Variants in CCSER1 observed in about 807,000 individuals in gnomAD.
CCSER1 encodes coiled-coil serine rich protein 1.
Under a neutral mutation model 82.0 loss-of-function variants are expected in CCSER1, and 41 were observed. The ratio of observed to expected loss-of-function variants is 0.50; its 90% CI spans 0.39 to 0.65. CCSER1 has a LOEUF of 0.65. Among genes scored for constraint, CCSER1 ranks in the 30% least tolerant of loss-of-function variants. The probability of loss-of-function intolerance (pLI) is 0.00; values close to 1 mark genes in which losing one functional copy is unlikely to be tolerated. For synonymous variants in CCSER1, 414 were observed against 383.9 expected (o/e 1.08, Z -0.92); for missense variants, 1,119 against 1,064.2 (o/e 1.05, Z -0.72).
chr4:90,924,171 G>A (rs1244141153), intron 9 of CCSER1, among the ~76,000 whole-genome samples: 1 of 151,956 alleles, frequency 6.6e-6, no homozygotes, highest in East Asian at 1.9e-4. Context: ...ACATGTATGA[G>A]GACCCCCTCT....
At chr4:90,323,211 T>C (rs750389314) in intron 3 of CCSER1, among the ~76,000 whole-genome samples, 3 of 152,106 alleles carry the variant, frequency 2.0e-5, no homozygotes, top group Admixed American at 6.6e-5. Flanking sequence ...CAGCCTGGAA[T>C]TGGGAGAGGG....
intron 10 of CCSER1, among the ~76,000 whole-genome samples, chr4:91,559,723 ATAT>A (rs1208876460): frequency 6.6e-6 from 1 of 151,578 alleles, no homozygotes; most frequent in Non-Finnish European, 1.5e-5. Flanking sequence ...ACAAAGAGGT[ATAT>A]TATTCTCATC....
intron 10 of CCSER1, among the ~76,000 whole-genome samples, chr4:91,310,525 A>G (rs528373791): frequency 6.6e-6 from 1 of 152,014 alleles, no homozygotes; most frequent in South Asian, 2.1e-4. Context: ...GGTCTTCCCG[A>G]TGAGCATGAC....
chr4:90,592,007 G>A (rs1782764965), intron 5 of CCSER1, among the ~76,000 whole-genome samples: 1 of 152,026 alleles, frequency 6.6e-6, no homozygotes, highest in Admixed American at 6.6e-5. Flanking sequence ...GCACAGGGAG[G>A]GAAACATTAC....
intron 5 of CCSER1, among the ~76,000 whole-genome samples, chr4:90,547,452 C>T (rs1025770828): frequency 6.6e-6 from 1 of 151,940 alleles, no homozygotes; most frequent in Non-Finnish European, 1.5e-5. Flanking sequence ...AATACACTTT[C>T]ACTTTCATTT....
chr4:91,570,004 C>A (rs1478233355), intron 10 of CCSER1, among the ~76,000 whole-genome samples: 2 of 152,198 alleles, frequency 1.3e-5, no homozygotes, highest in East Asian at 3.9e-4. Flanking sequence ...GTAAATACAC[C>A]CATTCCAAAT....
At chr4:91,297,008 A>G (rs1465123520) in intron 10 of CCSER1, among the ~76,000 whole-genome samples, 7 of 151,944 alleles carry the variant, frequency 4.6e-5, no homozygotes, top group East Asian at 3.9e-4. Flanking sequence ...ATTGCCAGCA[A>G]TCCTTAAAGA....
At chr4:91,366,240 C>T (rs901362318) in intron 10 of CCSER1, among the ~76,000 whole-genome samples, 7 of 152,274 alleles carry the variant, frequency 4.6e-5, no homozygotes, top group East Asian at 1.9e-4. Context: ...AGGCTGGTCT[C>T]GAACTCCTGA....
chr4:90,295,889 A>G (rs560574525), intron 1 of CCSER1, among the ~76,000 whole-genome samples: 23 of 152,140 alleles, frequency 1.5e-4, no homozygotes, highest in Non-Finnish European at 2.6e-4. Context: ...ATGTTTGAAC[A>G]AGAATTCCTT....
At chr4:90,364,076 C>T (rs1045560518) in intron 3 of CCSER1, among the ~76,000 whole-genome samples, 3 of 151,804 alleles carry the variant, frequency 2.0e-5, no homozygotes, top group Non-Finnish European at 4.4e-5. Context: ...TTGGGTTTAC[C>T]AAGTCTTTCT....
At chr4:91,561,163 G>C (rs1355404543) in intron 10 of CCSER1, among the ~76,000 whole-genome samples, 1 of 151,286 alleles carries the variant, frequency 6.6e-6, no homozygotes, top group Admixed American at 6.6e-5. Flanking sequence ...TCAAAGTGTC[G>C]TGTCTTACCC....
rs1227098561 is a variant in CCSER1, at chr4:90,930,479, G to A, written c.2172+7032G>A. ...AATTAGCCAGGCGTAGGTGGTGCACGCCTGTAGTCCCAGCTACTTGCTACT... is the reference window on the plus strand; with the variant it reads ...AATTAGCCAGGCGTAGGTGGTGCACACCTGTAGTCCCAGCTACTTGCTACT... On this transcript the variant is annotated intron_variant, in intron 9 of 10. Transcript: ENST00000509176. 3.3e-5 allele frequency among the ~76,000 whole-genome samples: 5 copies of A among 152,050 alleles called. No individual in the cohort carries two copies. The South Asian group carries it at 1.0e-3, about 32-fold the overall frequency.
chr4:91,556,590 T>C (rs140988284), intron 10 of CCSER1, among the ~76,000 whole-genome samples: 5 of 151,176 alleles, frequency 3.3e-5, no homozygotes, highest in East Asian at 3.9e-4. Flanking sequence ...CAAAACTATC[T>C]AGACAGATTA....
At chr4:91,482,579 C>T (rs1757995204) in intron 10 of CCSER1, among the ~76,000 whole-genome samples, 1 of 151,986 alleles carries the variant, frequency 6.6e-6, no homozygotes, top group Admixed American at 6.6e-5. Flanking sequence ...TTTGACCCAG[C>T]CATCCCATTA....
chr4:91,283,460 A>G (rs1226210758), intron 10 of CCSER1, among the ~76,000 whole-genome samples: 1 of 152,120 alleles, frequency 6.6e-6, no homozygotes, highest in East Asian at 1.9e-4. Context: ...TGCATCAGCT[A>G]AGGAATTGGT....
At chr4:91,371,186 C>T (rs377647793) in intron 10 of CCSER1, among the ~76,000 whole-genome samples, 21 of 152,156 alleles carry the variant, frequency 1.4e-4, no homozygotes, top group African/African-American at 5.1e-4. Context: ...TTTTAATGTG[C>T]AATAAATTAT....
intron 6 of CCSER1, among the ~76,000 whole-genome samples, chr4:90,688,459 T>A (rs1341459134): frequency 6.6e-6 from 1 of 152,136 alleles, no homozygotes; most frequent in Non-Finnish European, 1.5e-5. Context: ...TTTTTCTACC[T>A]AGGCTACTCT....
chr4:90,581,235 G>A (rs1394630999), intron 5 of CCSER1, among the ~76,000 whole-genome samples: 2 of 152,042 alleles, frequency 1.3e-5, no homozygotes, highest in African/African-American at 4.8e-5. Context: ...ATATGTGAAT[G>A]AATCAGCACT....
At chr4:90,669,092 A>G (rs1215018298) in intron 6 of CCSER1, among the ~76,000 whole-genome samples, 1 of 152,028 alleles carries the variant, frequency 6.6e-6, no homozygotes, top group East Asian at 1.9e-4. Flanking sequence ...TAAGTGGAAA[A>G]GTAGGGTATG....
Sources: gnomAD v4.1 joint callset for allele counts (sites outside exome capture counted in the v4.1 genomes callset) on GRCh38, gnomAD v4.1.1 for gene constraint, MANE v1.5 for transcripts, NCBI Gene and HGNC (gene_info 2026-07-23, HGNC 2026-07-21) for gene names.